Variants in PRKG1 observed in about 807,000 individuals in gnomAD.
The protein encoded by PRKG1 is cGMP-dependent protein kinase 1.
Under a neutral mutation model 88.1 loss-of-function variants are expected in PRKG1, and 35 were observed. The observed-to-expected ratio is 0.40, with a 90% CI of 0.30 to 0.53. The LOEUF (loss-of-function observed/expected upper bound fraction) is 0.53. Among genes scored for constraint, PRKG1 ranks in the 20% least tolerant of loss-of-function variants. PRKG1 has a pLI of 0.59. For synonymous variants in PRKG1, 303 were observed against 292.5 expected (o/e 1.04, Z -0.37); for missense variants, 540 against 839.8 (o/e 0.64, Z 4.41).
intron 5 of PRKG1, among the ~76,000 whole-genome samples, chr10:52,043,823 A>G (rs1346484121): frequency 6.6e-6 from 1 of 151,656 alleles, no homozygotes; most frequent in Non-Finnish European, 1.5e-5. Context: ...TTATACATCA[A>G]TTAAAAGAAA....
intron 5 of PRKG1, among the ~76,000 whole-genome samples, chr10:51,912,862 CTCTT>C (rs923244704): frequency 3.3e-5 from 5 of 151,218 alleles, no homozygotes; most frequent in African/African-American, 1.2e-4. Flanking sequence ...AGGAATGAAT[CTCTT>C]TATTCTTTTT....
At chr10:51,957,380 C>CTCCT (rs1319410573) in intron 5 of PRKG1, among the ~76,000 whole-genome samples, 1 of 151,568 alleles carries the variant, frequency 6.6e-6, no homozygotes, top group Non-Finnish European at 1.5e-5. Context: ...CAACCTAAGA[C>CTCCT]TCCTGGGCTC....
chr10:52,247,698 G>T (rs1338022968), intron 9 of PRKG1, among the ~76,000 whole-genome samples: 2 of 152,168 alleles, frequency 1.3e-5, no homozygotes, highest in Admixed American at 1.3e-4. Flanking sequence ...TCATTATGCA[G>T]TGATTTTCAT....
intron 3 of PRKG1, among the ~76,000 whole-genome samples, chr10:51,690,013 C>T (rs927377666): frequency 2.0e-5 from 3 of 152,100 alleles, no homozygotes; most frequent in African/African-American, 7.2e-5. Flanking sequence ...CATGTTTCTG[C>T]AGGCTGTACA....
At chr10:51,197,829 T>C (rs879308519) in intron 2 of PRKG1, among the ~76,000 whole-genome samples, 3 of 151,208 alleles carry the variant, frequency 2.0e-5, no homozygotes, top group Non-Finnish European at 4.4e-5. Context: ...GCAAAAGTAA[T>C]TGTGGTTTCT....
chr10:51,468,007 A>G, intron 3 of PRKG1, 171 bp downstream of exon 3: 2 of 591,384 alleles, frequency 3.4e-6, no homozygotes, highest in Non-Finnish European at 6.0e-6. Context: ...GGTGATTGTT[A>G]ACAATCAGTT....
At chr10:52,265,360 C>T (rs950095065) in intron 10 of PRKG1, among the ~76,000 whole-genome samples, 3 of 152,192 alleles carry the variant, frequency 2.0e-5, no homozygotes, top group Non-Finnish European at 4.4e-5. Flanking sequence ...AGTCATGTGA[C>T]ATTGACAGTT....
At chr10:51,167,614 C>T (rs575840164) in intron 2 of PRKG1, among the ~76,000 whole-genome samples, 5 of 152,174 alleles carry the variant, frequency 3.3e-5, no homozygotes, top group South Asian at 4.2e-4. Flanking sequence ...TAGCAGTAAT[C>T]GAAGCAAAAT....
chr10:52,095,391 T>C (rs1163691935), intron 7 of PRKG1, among the ~76,000 whole-genome samples: 1 of 152,204 alleles, frequency 6.6e-6, no homozygotes, highest in Non-Finnish European at 1.5e-5. Flanking sequence ...CTGGTCTCTA[T>C]ATTGTTTCCA....
chr10:52,176,428 T>C (rs1392760289), intron 9 of PRKG1, among the ~76,000 whole-genome samples: 1 of 152,102 alleles, frequency 6.6e-6, no homozygotes, highest in Non-Finnish European at 1.5e-5. Flanking sequence ...CTTTGTAGTA[T>C]ATTTTGCAGT....
intron 3 of PRKG1, among the ~76,000 whole-genome samples, chr10:51,781,046 A>G (rs1589280743): frequency 6.6e-6 from 1 of 152,258 alleles, no homozygotes; most frequent in East Asian, 1.9e-4. Context: ...TGGGAAAGAA[A>G]TGTCTCGTTG....
intron 3 of PRKG1, among the ~76,000 whole-genome samples, chr10:51,746,722 C>CA (rs549325888): frequency 9.6e-5 from 11 of 115,180 alleles, no homozygotes; most frequent in South Asian, 2.7e-4. Context: ...GACCCTGTCT[C>CA]AAAAAAAATA....
intron 3 of PRKG1, among the ~76,000 whole-genome samples, chr10:51,534,666 CAA>C (rs10626534): frequency 5.0e-5 from 6 of 120,802 alleles, no homozygotes; most frequent in Admixed American, 8.9e-5. Flanking sequence ...GACTCTGTCT[CAA>C]AAAAAAAAAA....
At chr10:52,180,187 T>A (rs1328750714) in intron 9 of PRKG1, among the ~76,000 whole-genome samples, 1 of 152,228 alleles carries the variant, frequency 6.6e-6, no homozygotes, top group Non-Finnish European at 1.5e-5. Flanking sequence ...TTCTTTTGTT[T>A]GGTTAGTCTG....
intron 10 of PRKG1, among the ~76,000 whole-genome samples, chr10:52,254,258 T>C (rs960253978): frequency 4.6e-5 from 7 of 151,998 alleles, no homozygotes; most frequent in African/African-American, 1.4e-4. Context: ...GAAGTTTTAC[T>C]CTCCTCTGAG....
At chr10:51,914,932 G>T (rs866551477) in intron 5 of PRKG1, among the ~76,000 whole-genome samples, 61 of 152,272 alleles carry the variant, frequency 4.0e-4, no homozygotes, top group Middle Eastern at 3.4e-3. Context: ...AATAGGCAAA[G>T]AGAGAAAACA....
intron 2 of PRKG1, among the ~76,000 whole-genome samples, chr10:51,392,804 CG>C (rs1404427715): frequency 2.1e-5 from 3 of 145,810 alleles, no homozygotes; most frequent in African/African-American, 5.0e-5. Context: ...GCTGGCCGGG[CG>C]GGGGGCTGAC....
At chr10:52,053,364 A>C (rs1425651081) in intron 5 of PRKG1, among the ~76,000 whole-genome samples, 1 of 152,216 alleles carries the variant, frequency 6.6e-6, no homozygotes, top group East Asian at 1.9e-4. Flanking sequence ...GTATTAATGA[A>C]AGGCAATTTT....
chr10:51,633,735 T>C (rs1024361203), intron 3 of PRKG1, among the ~76,000 whole-genome samples: 1 of 152,138 alleles, frequency 6.6e-6, no homozygotes, highest in African/African-American at 2.4e-5. Flanking sequence ...AGATTTTACT[T>C]TTTTCCCCAA....
Sources: allele counts gnomAD v4.1 joint callset (sites outside exome capture counted in the v4.1 genomes callset), GRCh38; gene constraint gnomAD v4.1.1; transcripts MANE v1.5; gene names NCBI Gene and HGNC (gene_info 2026-07-23, HGNC 2026-07-21).